Variants in ELAVL2 observed in about 807,000 individuals in gnomAD.
ELAVL2 encodes the protein ELAV like RNA binding protein 2.
Under a neutral mutation model 34.6 loss-of-function variants are expected in ELAVL2, and 4 were observed. The ratio of observed to expected loss-of-function variants is 0.12; its 90% CI spans 0.06 to 0.26. The LOEUF is 0.26. ELAVL2 is among the 10% of genes least tolerant of loss of function. The pLI, the probability that ELAVL2 is intolerant of heterozygous loss-of-function variation, is 1.00. For missense variants in ELAVL2, 432 were observed against 442.8 expected, an observed-to-expected ratio of 0.98 and a Z score of 0.22; for synonymous variants, 193 against 154.8, an observed-to-expected ratio of 1.25 and a Z score of -1.83.
chr9:23,836,039 T>C, the ELAVL2 span, among the ~76,000 whole-genome samples: 36 of 152,196 alleles, frequency 2.4e-4, no homozygotes, highest in African/African-American at 8.0e-4. Context: ...CAGCCAGTGC[T>C]GCTGTTTATT....
At chr9:23,837,667 G>A in the ELAVL2 span, among the ~76,000 whole-genome samples, 8 of 152,022 alleles carry the variant, frequency 5.3e-5, no homozygotes, top group Non-Finnish European at 2.9e-5. Context: ...TACCTTTAAG[G>A]TACTTCCAGA....
chr9:23,815,454 T>C (rs1332177300), intron 1 of ELAVL2, among the ~76,000 whole-genome samples: 1 of 152,146 alleles, frequency 6.6e-6, no homozygotes, highest in Non-Finnish European at 1.5e-5. Context: ...GAAATAAACA[T>C]ATGATGGTGT....
At chr9:23,814,879 T>C (rs2063498859) in intron 1 of ELAVL2, among the ~76,000 whole-genome samples, 2 of 152,164 alleles carry the variant, frequency 1.3e-5, no homozygotes, top group Admixed American at 6.5e-5. Flanking sequence ...TTCCCATCCT[T>C]ACCCAATTCA....
intron 2 of ELAVL2, among the ~76,000 whole-genome samples, chr9:23,749,818 C>T (rs915100902): frequency 6.6e-6 from 1 of 152,032 alleles, no homozygotes; most frequent in Admixed American, 6.6e-5. Flanking sequence ...ATAGAGGTTT[C>T]TATGTGTGGT....
intron 1 of ELAVL2, among the ~76,000 whole-genome samples, chr9:23,786,130 G>T (rs1465937501): frequency 6.6e-6 from 1 of 152,126 alleles, no homozygotes; most frequent in Non-Finnish European, 1.5e-5. Flanking sequence ...TGTTAACAAT[G>T]AAGAAAAGTC....
chr9:23,827,695 G>C (rs927548170), upstream of ELAVL2, among the ~76,000 whole-genome samples: 2 of 152,138 alleles, frequency 1.3e-5, no homozygotes, highest in African/African-American at 4.8e-5. Context: ...ATTGCAAAAG[G>C]GTAGGGTGTC....
chr9:23,726,713 G>A (rs190380626), intron 3 of ELAVL2, among the ~76,000 whole-genome samples: 2 of 152,082 alleles, frequency 1.3e-5, no homozygotes, highest in South Asian at 2.1e-4. Flanking sequence ...TCTTGGAAAT[G>A]AATGATTTTA....
intron 1 of ELAVL2, among the ~76,000 whole-genome samples, chr9:23,815,300 A>G (rs1478006782): frequency 1.3e-5 from 2 of 152,186 alleles, no homozygotes; most frequent in Non-Finnish European, 2.9e-5. Context: ...AGCATTATTT[A>G]TATTTTCAAG....
intron 3 of ELAVL2, among the ~76,000 whole-genome samples, chr9:23,729,382 G>A (rs1414345173): frequency 6.6e-6 from 1 of 152,058 alleles, no homozygotes; most frequent in African/African-American, 2.4e-5. Context: ...TCTGCTGTAG[G>A]ATAAAGAGCA....
intron 1 of ELAVL2, among the ~76,000 whole-genome samples, chr9:23,801,647 G>T (rs1203789514): frequency 1.3e-5 from 2 of 152,182 alleles, no homozygotes; most frequent in Non-Finnish European, 2.9e-5. Context: ...TCCAGTTAGG[G>T]TGTATAAAGG....
At chr9:23,728,035 G>C (rs1242576361) in intron 3 of ELAVL2, among the ~76,000 whole-genome samples, 1 of 152,014 alleles carries the variant, frequency 6.6e-6, no homozygotes, top group Non-Finnish European at 1.5e-5. Context: ...GTCCTGGCAA[G>C]AGTTTTGATA....
intron 1 of ELAVL2, among the ~76,000 whole-genome samples, chr9:23,776,676 T>C (rs1412272649): frequency 6.6e-6 from 1 of 150,682 alleles, no homozygotes; most frequent in Non-Finnish European, 1.5e-5. Context: ...CAAGGAAACC[T>C]TTAAGAACCC....
chr9:23,690,410 T>A lies in ELAVL2; in HGVS notation c.*2147A>T, dbSNP rs1212811320. The A allele has an allele frequency of 2.6e-5, 4 of 152,686 alleles. No individual in the cohort carries two copies. Among genetic ancestry groups the A allele is most frequent in the Middle Eastern group, 3.4e-3 (1 of 294 alleles). The allele number at this position is 152,686 out of a possible 1,614,324, so 9.5% of individuals were successfully genotyped here. On this transcript the variant is annotated 3_prime_UTR_variant, in exon 7 of 7. Transcript: ENST00000397312. Reference sequence around the variant, plus strand: ...TTCCCTTGAGGGAAACCTTATTATTTTTTTTTAAGTATATACATGTATTTT... The same window carrying A: ...TTCCCTTGAGGGAAACCTTATTATTATTTTTTAAGTATATACATGTATTTT...
the ELAVL2 span, among the ~76,000 whole-genome samples, chr9:23,845,076 A>G: frequency 6.6e-6 from 1 of 151,918 alleles, no homozygotes; most frequent in Non-Finnish European, 1.5e-5. Context: ...AGACTCCAGA[A>G]TTTATCCTAA....
At chr9:23,776,938 GAA>G (rs2058300582) in intron 1 of ELAVL2, among the ~76,000 whole-genome samples, 1 of 152,076 alleles carries the variant, frequency 6.6e-6, no homozygotes, top group South Asian at 2.1e-4. Flanking sequence ...GCCTCACTAA[GAA>G]AATTTTAAAT....
intron 1 of ELAVL2, among the ~76,000 whole-genome samples, chr9:23,799,004 C>A (rs560229648): frequency 6.6e-6 from 1 of 152,222 alleles, no homozygotes; most frequent in East Asian, 1.9e-4. Flanking sequence ...ACAAAATTTT[C>A]TCCCAGGTGG....
chr9:23,838,964 T>G, the ELAVL2 span, among the ~76,000 whole-genome samples: 1 of 152,156 alleles, frequency 6.6e-6, no homozygotes, highest in Non-Finnish European at 1.5e-5. Context: ...TTAAAATCAC[T>G]ATTCAGAGAA....
chr9:23,841,655 T>A, the ELAVL2 span, among the ~76,000 whole-genome samples: 4 of 152,136 alleles, frequency 2.6e-5, no homozygotes, highest in Non-Finnish European at 5.9e-5. Flanking sequence ...TTGATCAAGA[T>A]GTCAATGAGA....
chr9:23,801,466 C>G (rs1224392587), intron 1 of ELAVL2, among the ~76,000 whole-genome samples: 4 of 152,118 alleles, frequency 2.6e-5, no homozygotes, highest in Non-Finnish European at 5.9e-5. Flanking sequence ...TAAAGTGTGT[C>G]TTTGCCTTCA....
Sources: allele counts gnomAD v4.1 joint callset (sites outside exome capture counted in the v4.1 genomes callset), GRCh38; gene constraint gnomAD v4.1.1; transcripts MANE v1.5; gene names NCBI Gene and HGNC (gene_info 2026-07-23, HGNC 2026-07-21).